The following SPATA9 variants were observed in gnomAD, a reference collection of about 807,000 sequenced individuals.
The protein encoded by SPATA9 is spermatogenesis-associated protein 9.
Under a neutral mutation model 25.5 loss-of-function variants are expected in SPATA9, and 27 were observed. That is an observed-to-expected ratio of 1.06 (90% CI 0.78 to 1.46). The LOEUF (loss-of-function observed/expected upper bound fraction) is 1.46. SPATA9 is among the 40% of genes most tolerant of loss of function. The pLI is 0.00. For synonymous variants in SPATA9, 102 were observed against 105.7 expected, an observed-to-expected ratio of 0.97 and a Z score of 0.21; for missense variants, 282 against 297.5, an observed-to-expected ratio of 0.95 and a Z score of 0.38.
chr5:95,694,163 A>G (rs1347786335), intron 1 of SPATA9, among the ~76,000 whole-genome samples: 2 of 152,172 alleles, frequency 1.3e-5, no homozygotes, highest in Non-Finnish European at 2.9e-5. Context: ...TAGTCTCAAA[A>G]AAAAGGCAAA....
At chr5:95,657,891 C>T (rs1232332605), downstream of SPATA9, 1 of 152,034 alleles carries the variant, frequency 6.6e-6, no homozygotes, top group Non-Finnish European at 1.5e-5. Context: ...AACACATGTC[C>T]AGAATATAAA....
intron 2 of SPATA9, among the ~76,000 whole-genome samples, chr5:95,679,864 C>T (rs1025825607): frequency 7.9e-5 from 12 of 152,194 alleles, no homozygotes. Flanking sequence ...TCATCCGATT[C>T]AATGGTAAAC....
chr5:95,710,271 T>C, the SPATA9 span, among the ~76,000 whole-genome samples: 73 of 152,310 alleles, frequency 4.8e-4, no homozygotes, highest in Non-Finnish European at 8.5e-4. Flanking sequence ...TAACAGTTCC[T>C]GACAGTCATG....
In SPATA9 at chr5:95,682,964, C is replaced by G; in HGVS notation, c.-110G>C. ...GAGGGTAGCCTTCCACTTGGGAAAG[C>G]CAGCAAGGACAGAACTCACAGCTCA... On this transcript the variant is annotated 5_prime_UTR_variant, in exon 1 of 5. Coordinates refer to ENST00000274432, the MANE Select transcript of SPATA9 (RefSeq NM_031952.4). The G allele has an allele frequency of 7.2e-7, 1 of 1,384,628 alleles. No individual in the cohort carries two copies. Among genetic ancestry groups the G allele is most frequent in the South Asian group, 2.3e-5 (1 of 43,344 alleles). 85.8% of individuals were successfully genotyped at this position (1,384,628 alleles called of 1,614,324 possible). A position where few individuals can be genotyped will look rare whatever the true frequency, so the allele number is the denominator to read the frequency against.
At chr5:95,706,703 A>G in the SPATA9 span, among the ~76,000 whole-genome samples, 1 of 141,936 alleles carries the variant, frequency 7.0e-6, no homozygotes, top group African/African-American at 2.6e-5. Flanking sequence ...CTTAAATTAT[A>G]ATTTTTTTCT....
upstream of SPATA9, among the ~76,000 whole-genome samples, chr5:95,703,583 G>A (rs887882223): frequency 6.6e-6 from 1 of 151,716 alleles, no homozygotes; most frequent in East Asian, 1.9e-4. Flanking sequence ...GCAGTGGGCC[G>A]AGATTGCACC....
downstream of SPATA9, among the ~76,000 whole-genome samples, chr5:95,653,689 A>G (rs1347502650): frequency 1.3e-5 from 2 of 152,176 alleles, no homozygotes; most frequent in Admixed American, 6.5e-5. Context: ...ACTTGAGGTC[A>G]GGAGTTTGAG....
chr5:95,717,144 T>C, the SPATA9 span: 1 of 152,200 alleles, frequency 6.6e-6, no homozygotes, highest in Non-Finnish European at 1.5e-5. Context: ...TAAAGCAGAT[T>C]ACCCTCCGTA....
chr5:95,722,498 G>GT, the SPATA9 span, among the ~76,000 whole-genome samples: 31 of 149,144 alleles, frequency 2.1e-4, no homozygotes, highest in Admixed American at 4.0e-4. Context: ...TGTAAAAGAG[G>GT]TTTTTTTTTT....
chr5:95,654,072 A>T, downstream of SPATA9: 1 of 1,607,894 alleles, frequency 6.2e-7, no homozygotes, highest in Non-Finnish European at 8.5e-7. Context: ...ATGAATCTTG[A>T]TGGCTCTGCA....
At chr5:95,722,435 G>T in the SPATA9 span, among the ~76,000 whole-genome samples, 1 of 152,082 alleles carries the variant, frequency 6.6e-6, no homozygotes, top group African/African-American at 2.4e-5. Context: ...AATGGTGCTT[G>T]ATAATAATAC....
chr5:95,661,184 G>C (rs1048219720), intron 4 of SPATA9, among the ~76,000 whole-genome samples: 1 of 151,968 alleles, frequency 6.6e-6, no homozygotes, highest in African/African-American at 2.4e-5. Flanking sequence ...AACATCCTGA[G>C]TCTATTTCCT....
chr5:95,671,329 C>A, intron 3 of SPATA9, among the ~76,000 whole-genome samples: 1 of 152,144 alleles, frequency 6.6e-6, no homozygotes, highest in Non-Finnish European at 1.5e-5. Flanking sequence ...GCCTGTGAGC[C>A]CCACAGTCCA....
chr5:95,688,050 G>A (rs1254951804), intron 1 of SPATA9, among the ~76,000 whole-genome samples: 2 of 152,200 alleles, frequency 1.3e-5, no homozygotes, highest in East Asian at 3.9e-4. Flanking sequence ...ACTCGATCTG[G>A]CAATCCCACT....
At chr5:95,718,729 T>G in the SPATA9 span, among the ~76,000 whole-genome samples, 487 of 152,266 alleles carry the variant, frequency 3.2e-3, 5 homozygotes, top group Non-Finnish European at 4.1e-3. Flanking sequence ...GGGTTGGGGT[T>G]TTAGACTGAA....
At chr5:95,672,492 GTTCTT>G (rs1003350467) in intron 3 of SPATA9, among the ~76,000 whole-genome samples, 5 of 149,812 alleles carry the variant, frequency 3.3e-5, no homozygotes, top group East Asian at 3.9e-4. Flanking sequence ...AAACTCTGAA[GTTCTT>G]TTCTTTTCAA....
At chr5:95,694,218 T>C (rs1753957322) in intron 1 of SPATA9, among the ~76,000 whole-genome samples, 1 of 152,182 alleles carries the variant, frequency 6.6e-6, no homozygotes, top group Non-Finnish European at 1.5e-5. Flanking sequence ...TGTAAGTACA[T>C]ATAAGCTTCA....
chr5:95,682,221 T>G (rs1753524910), intron 2 of SPATA9, among the ~76,000 whole-genome samples: 1 of 152,202 alleles, frequency 6.6e-6, no homozygotes, highest in South Asian at 2.1e-4. Flanking sequence ...CTAAAGTGTA[T>G]CTAGGTATTT....
intron 3 of SPATA9, among the ~76,000 whole-genome samples, chr5:95,672,455 G>GT (rs35342619): frequency 0.05 from 7,201 of 143,174 alleles, 471 homozygotes; most frequent in African/African-American, 0.15. Context: ...GCCAAAAGAG[G>GT]TTTTTTTTTT....
Sources: gnomAD v4.1 joint callset for allele counts (sites outside exome capture counted in the v4.1 genomes callset) on GRCh38, gnomAD v4.1.1 for gene constraint, MANE v1.5 for transcripts, NCBI Gene and HGNC (gene_info 2026-07-23, HGNC 2026-07-21) for gene names.